The following SLC4A5 variants were observed in gnomAD, a reference collection of about 807,000 sequenced individuals.
The protein encoded by SLC4A5 is solute carrier family 4 member 5, also known as electrogenic sodium bicarbonate cotransporter 4.
SLC4A5 carries 96 observed loss-of-function variants against 120.4 expected under a neutral mutation model. The observed-to-expected ratio is 0.80, with a 90% CI of 0.68 to 0.94. The LOEUF (loss-of-function observed/expected upper bound fraction) is 0.94. Ranked by LOEUF, SLC4A5 falls within the 40% of genes least tolerant of loss-of-function variation. SLC4A5 has a pLI of 0.00. For missense variants in SLC4A5, 1,259 were observed against 1,459.5 expected, an observed-to-expected ratio of 0.86 and a Z score of 2.24; for synonymous variants, 550 against 571.1, an observed-to-expected ratio of 0.96 and a Z score of 0.53.
At chr2:74,296,675 G>A (rs1672338054) in intron 7 of SLC4A5, among the ~76,000 whole-genome samples, 1 of 148,380 alleles carries the variant, frequency 6.7e-6, no homozygotes, top group South Asian at 2.1e-4. Flanking sequence ...TGTAATCCCA[G>A]CTACTCAGGA....
chr2:74,242,284 C>T (rs1670473351), intron 19 of SLC4A5, among the ~76,000 whole-genome samples: 1 of 152,198 alleles, frequency 6.6e-6, no homozygotes, highest in South Asian at 2.1e-4. Flanking sequence ...ACCTGCCTGA[C>T]CACGAACAGC....
chr2:74,278,006 C>T (rs776400827), intron 8 of SLC4A5, among the ~76,000 whole-genome samples: 12 of 152,028 alleles, frequency 7.9e-5, no homozygotes, highest in Non-Finnish European at 1.8e-4. Context: ...GGGGACCATT[C>T]TCTCTACTTT....
At chr2:74,244,231 G>A (rs1234422956) in intron 19 of SLC4A5, among the ~76,000 whole-genome samples, 3 of 152,108 alleles carry the variant, frequency 2.0e-5, no homozygotes, top group Non-Finnish European at 4.4e-5. Context: ...TCTTACTGGG[G>A]TTTAGTGGTC....
At chr2:74,250,789 T>G in intron 16 of SLC4A5, 1 of 350,420 alleles carries the variant, frequency 2.9e-6, no homozygotes, top group Non-Finnish European at 5.3e-6. Flanking sequence ...AGACCTAACA[T>G]TCCATGGAGA....
rs145980165 is a variant in SLC4A5, at chr2:74,297,000, T to C, written c.271+7489A>G. 1.3e-4 allele frequency among the ~76,000 whole-genome samples: 20 copies of C among 152,294 alleles called. 1 individual carries two copies. The highest frequency in any genetic ancestry group is 4.6e-4 in the African/African-American group (19 of 41,546). On this transcript the variant is annotated intron_variant, in intron 7 of 30. Coordinates refer to ENST00000394019, the Ensembl canonical transcript of SLC4A5. ...ACCTTGTGAGGTTCCAGTGTCTTAA[T>C]AGAAAGCCTTTCTCTCCTTTACTTC...
At chr2:74,325,130 A>C (rs947669225) in intron 5 of SLC4A5, among the ~76,000 whole-genome samples, 2 of 152,242 alleles carry the variant, frequency 1.3e-5, no homozygotes, top group African/African-American at 4.8e-5. Context: ...TGACTAATGA[A>C]AATGAAATAG....
chr2:74,312,509 T>G (rs1672837873), intron 6 of SLC4A5, among the ~76,000 whole-genome samples: 1 of 152,138 alleles, frequency 6.6e-6, no homozygotes, highest in Non-Finnish European at 1.5e-5. Flanking sequence ...GGATTACAGG[T>G]GTGAGCCATC....
At position 74,330,036 on chromosome 2, in the gene SLC4A5, T is replaced by G. The variant is rs143437234; in HGVS notation, c.-69-1850A>C. ...AGGTGTGGACAAGGGTGGTGAGGTG[T>G]AGATGGTGATGGTGAGGTATAGAAG... On this transcript the variant is annotated intron_variant, in intron 4 of 30. Coordinates refer to ENST00000394019, the Ensembl canonical transcript of SLC4A5. Among the ~76,000 whole-genome samples, 298 of 151,434 alleles carry G rather than the reference T, an allele frequency of 2.0e-3. 2 individuals are homozygous for G. The highest frequency in any genetic ancestry group is 6.7e-3 in the African/African-American group (278 of 41,208).
chr2:74,238,175 C>A (rs1200367374), intron 21 of SLC4A5, among the ~76,000 whole-genome samples: 2 of 151,864 alleles, frequency 1.3e-5, no homozygotes, highest in Non-Finnish European at 2.9e-5. Context: ...AATCAAGTAC[C>A]TAGGAATAAC....
chr2:74,262,713 GAAC>G (rs1671181659), intron 10 of SLC4A5, among the ~76,000 whole-genome samples: 1 of 150,724 alleles, frequency 6.6e-6, no homozygotes, highest in African/African-American at 2.4e-5. Context: ...AAAAAAAAAA[GAAC>G]AAGATTAGAG....
chr2:74,221,528 T>C (rs7587117), intron 29 of SLC4A5, 27 bp from the exon 30 acceptor site: 497,827 of 1,607,558 alleles, frequency 0.31, 82,691 homozygotes, highest in Middle Eastern at 0.37. Context: ...AAATGTCAGA[T>C]GTGGAGCAGG....
Position 74,316,884 on chromosome 2 carries a change from T to C in SLC4A5, c.-2-1859A>G, listed in dbSNP as rs1189896432. Among the ~76,000 whole-genome samples, 4 of 152,244 alleles carry C rather than the reference T, an allele frequency of 2.6e-5. 1 individual carries two copies. The highest frequency in any genetic ancestry group is 4.8e-5 in the African/African-American group (2 of 41,470). On this transcript the variant is annotated intron_variant, in intron 5 of 30. Coordinates refer to ENST00000394019, the Ensembl canonical transcript of SLC4A5. ...AACCATGGACTGGTTCTGGTCAGTT[T>C]ACAGAGGCTGTGCACTTGAACGCAT...
intron 7 of SLC4A5, among the ~76,000 whole-genome samples, chr2:74,303,464 T>C (rs142365760): frequency 5.8e-4 from 88 of 152,310 alleles, no homozygotes; most frequent in African/African-American, 2.0e-3. Context: ...ATACTGTTTA[T>C]TAGGCAGGTT....
intron 8 of SLC4A5, among the ~76,000 whole-genome samples, chr2:74,269,070 CTT>C (rs1671390831): frequency 6.6e-6 from 1 of 152,168 alleles, no homozygotes; most frequent in South Asian, 2.1e-4. Context: ...TGTAGCTGAC[CTT>C]TTTGTGGAGA....
chr2:74,235,330 A>G (rs1573011219), intron 21 of SLC4A5, 116 bp from the exon 22 acceptor site: 1 of 704,188 alleles, frequency 1.4e-6, no homozygotes, highest in South Asian at 1.8e-5. Context: ...CTCTGAAGGC[A>G]GCAGAACTAG....
chr2:74,230,422 G>A (rs1449067042), intron 25 of SLC4A5, among the ~76,000 whole-genome samples: 2 of 152,098 alleles, frequency 1.3e-5, no homozygotes, highest in Admixed American at 6.5e-5. Context: ...TAAGCAAGAG[G>A]AGCTTCAAGC....
rs1670881730 is a variant in SLC4A5, at chr2:74,254,129, T to A, written c.1113+490A>T. ...GAGTTAAAGTCCTCTAGGCTCCCCA[T>A]CACTCTGGGGACAGAGTGTGACTCA... On this transcript the variant is annotated intron_variant, in intron 14 of 30. Coordinates refer to ENST00000394019, the Ensembl canonical transcript of SLC4A5. Among the ~76,000 whole-genome samples the A allele has an allele frequency of 2.0e-5, 3 of 152,192 alleles. No homozygotes were observed. In the South Asian group the frequency reaches 6.2e-4, roughly 32 times the overall value.
rs772665691 is a variant in SLC4A5, at chr2:74,247,319, A to G, written c.1788-12T>C. 6.2e-7 allele frequency: 1 copy of G among 1,605,354 alleles called. No individual in the cohort carries two copies. The highest frequency in any genetic ancestry group is 8.5e-7 in the Non-Finnish European group (1 of 1,175,000). ...CCAGGCCATTGCCTCTGGAAGGCAGAGGGGAGGTGAGGGGCCTCCAGCCCA... is the reference window on the plus strand; with the variant it reads ...CCAGGCCATTGCCTCTGGAAGGCAGGGGGGAGGTGAGGGGCCTCCAGCCCA... On this transcript the variant is annotated splice_polypyrimidine_tract_variant and intron_variant, in intron 18 of 30. Transcript: ENST00000394019.
intron 5 of SLC4A5, among the ~76,000 whole-genome samples, chr2:74,315,315 C>T (rs1672931059): frequency 6.6e-6 from 1 of 151,858 alleles, no homozygotes; most frequent in Non-Finnish European, 1.5e-5. Context: ...TGGCATTCAC[C>T]TATAATCCCA....
Sources: gnomAD v4.1 joint callset for allele counts (sites outside exome capture counted in the v4.1 genomes callset) on GRCh38, gnomAD v4.1.1 for gene constraint, MANE v1.5 for transcripts, NCBI Gene and HGNC (gene_info 2026-07-23, HGNC 2026-07-21) for gene names.